Variants in ADAMTS17 observed in about 807,000 individuals in gnomAD.
The protein encoded by ADAMTS17 is ADAM metallopeptidase with thrombospondin type 1 motif 17, also known as A disintegrin and metalloproteinase with thrombospondin motifs 17.
ADAMTS17 carries 113 observed loss-of-function variants against 141.5 expected under a neutral mutation model. That is an observed-to-expected ratio of 0.80 (90% CI 0.69 to 0.93). The LOEUF is 0.93. Among genes scored for constraint, ADAMTS17 ranks in the 40% least tolerant of loss-of-function variants. The probability of loss-of-function intolerance (pLI) is 0.00; values close to 1 mark genes in which losing one functional copy is unlikely to be tolerated. For synonymous variants in ADAMTS17, 768 were observed against 630.6 expected, an observed-to-expected ratio of 1.22 and a Z score of -3.27; for missense variants, 1,659 against 1,517.9, an observed-to-expected ratio of 1.09 and a Z score of -1.54.
In ADAMTS17 at chr15:99,974,495, G is replaced by T. The variant is rs1834758955; in HGVS notation, c.3195C>A (p.Asn1065Lys). Residue 1065 changes from asparagine (N) to lysine (K), a missense_variant, in exon 22 of 22, where the codon AAC becomes AAA. Transcript: ENST00000268070. Reference protein sequence around the residue: ...TVYCRVIREKNLCQDMRWYQR... With the variant: ...TVYCRVIREKKLCQDMRWYQR... ...GGTACCACCGCATGTCCTGGCAGAG[G>T]TTCTTTTCTCGGATGACCCGGCAAT... 1.2e-6 allele frequency: 2 copies of T among 1,614,098 alleles called. No individual in the cohort carries two copies. Among genetic ancestry groups the T allele is most frequent in the African/African-American group, 2.7e-5 (2 of 74,942 alleles).
At chr15:100,059,146 G>C (rs4965571) in intron 15 of ADAMTS17, among the ~76,000 whole-genome samples, 22,556 of 152,228 alleles carry the variant, frequency 0.15, 2,316 homozygotes, top group East Asian at 0.51. Flanking sequence ...TCTTTGCTTT[G>C]GAGGTCCTGG....
intron 3 of ADAMTS17, among the ~76,000 whole-genome samples, chr15:100,307,423 C>T (rs2045262495): frequency 6.6e-6 from 1 of 152,148 alleles, no homozygotes; most frequent in Non-Finnish European, 1.5e-5. Flanking sequence ...CAGAGTGAAA[C>T]AAAAGAAAGA....
intron 9 of ADAMTS17, among the ~76,000 whole-genome samples, chr15:100,153,443 C>T (rs1025599256): frequency 3.3e-5 from 5 of 152,010 alleles, no homozygotes; most frequent in African/African-American, 7.3e-5. Flanking sequence ...GAGTTCAAGA[C>T]CAGTCTGGCC....
chr15:100,331,918 C>G (rs1263704801), intron 2 of ADAMTS17, among the ~76,000 whole-genome samples: 1 of 152,160 alleles, frequency 6.6e-6, no homozygotes, highest in Non-Finnish European at 1.5e-5. Context: ...GCACTCCCCA[C>G]CACACGCAGA....
rs773486302 is a variant in ADAMTS17 at position 100,261,583 on chromosome 15, G to A, written c.927C>T (p.His309=). ...CTCCTCCATACTCCTCGTTCTGCCA[G>A]TGACAGAAGCTCTCCAGGGACCGCT... ...HGERSLESFC[H]WQNEEYGGAR... is the part of the protein sequence containing the mutation. Residue 309 remains histidine, a synonymous_variant, in exon 6 of 22, where the codon CAC becomes CAT. Transcript: ENST00000268070. 2 of 1,614,150 alleles carry A rather than the reference G, an allele frequency of 1.2e-6. No homozygotes were observed. Among genetic ancestry groups the A allele is most frequent in the Non-Finnish European group, 8.5e-7 (1 of 1,180,026 alleles).
At chr15:100,154,920 AC>A (rs2039358154) in intron 9 of ADAMTS17, among the ~76,000 whole-genome samples, 1 of 152,226 alleles carries the variant, frequency 6.6e-6, no homozygotes, top group Non-Finnish European at 1.5e-5. Context: ...TCTTTTCAAG[AC>A]AGGGTGACTA....
rs1384718785 is a variant in ADAMTS17, at chr15:99,973,706, C to G, written c.*696G>C. 8 of 154,822 alleles carry G rather than the reference C, an allele frequency of 5.2e-5. No individual in the cohort carries two copies. The highest frequency in any genetic ancestry group is 1.0e-4 in the Non-Finnish European group (7 of 69,854). 9.6% of individuals were successfully genotyped at this position (154,822 alleles called of 1,614,324 possible). Reference sequence around the variant, plus strand: ...AATTAGATGCTTCCCCAAACCCAGACTCTCTTGGAACATTCTTCCCATGCG... The same window carrying G: ...AATTAGATGCTTCCCCAAACCCAGAGTCTCTTGGAACATTCTTCCCATGCG... On this transcript the variant is annotated 3_prime_UTR_variant, in exon 22 of 22. Coordinates refer to ENST00000268070, the MANE Select transcript of ADAMTS17 (RefSeq NM_139057.4).
At chr15:100,154,863 C>T (rs188904863) in intron 9 of ADAMTS17, among the ~76,000 whole-genome samples, 400 of 152,318 alleles carry the variant, frequency 2.6e-3, no homozygotes, top group African/African-American at 9.4e-3. Context: ...CAGGGGCGCC[C>T]CAAGGTGACC....
intron 18 of ADAMTS17, among the ~76,000 whole-genome samples, chr15:100,037,392 C>T (rs1288033811): frequency 2.0e-5 from 3 of 149,948 alleles, no homozygotes; most frequent in African/African-American, 2.5e-5. Flanking sequence ...TGTAGTAGCT[C>T]TTTAGGTATT....
Position 100,157,342 on chromosome 15 carries a change from A to T in ADAMTS17, c.1182-2022T>A, listed in dbSNP as rs1045391359. Among the ~76,000 whole-genome samples, 6 of 152,354 alleles carry T rather than the reference A, an allele frequency of 3.9e-5. No homozygotes were observed. In the East Asian group the frequency reaches 1.2e-3, roughly 29 times the overall value. On this transcript the variant is annotated intron_variant, in intron 8 of 21. Coordinates refer to ENST00000268070, the MANE Select transcript of ADAMTS17 (RefSeq NM_139057.4). Reference sequence around the variant, plus strand: ...CCCTCTCCATTACAAAATTGTTGAAAAAAACTAATGTTTTTATAGCTTAAG... The same window carrying T: ...CCCTCTCCATTACAAAATTGTTGAATAAAACTAATGTTTTTATAGCTTAAG...
chr15:100,098,425 G>T (rs568298999), intron 14 of ADAMTS17, among the ~76,000 whole-genome samples: 3 of 152,100 alleles, frequency 2.0e-5, no homozygotes, highest in Non-Finnish European at 4.4e-5. Flanking sequence ...GAGGTGGGTG[G>T]ATCATGAGGT....
At chr15:100,147,160 C>T (rs563776503) in intron 10 of ADAMTS17, among the ~76,000 whole-genome samples, 102 of 152,230 alleles carry the variant, frequency 6.7e-4, no homozygotes, top group African/African-American at 2.2e-3. Flanking sequence ...TGGGGGGCAT[C>T]ATGGAACCTA....
At chr15:100,136,303 T>C (rs1397476820) in intron 10 of ADAMTS17, among the ~76,000 whole-genome samples, 1 of 152,198 alleles carries the variant, frequency 6.6e-6, no homozygotes, top group Non-Finnish European at 1.5e-5. Context: ...GTGGCTACCT[T>C]TGTCGTCAGC....
intron 15 of ADAMTS17, among the ~76,000 whole-genome samples, chr15:100,064,556 C>T (rs1013668386): frequency 1.3e-5 from 2 of 152,184 alleles, no homozygotes; most frequent in Admixed American, 6.5e-5. Flanking sequence ...CAGCAGAAAC[C>T]AAGCAATTTA....
At chr15:100,233,375 T>G (rs2042550775) in intron 7 of ADAMTS17, among the ~76,000 whole-genome samples, 1 of 151,742 alleles carries the variant, frequency 6.6e-6, no homozygotes, top group African/African-American at 2.4e-5. Context: ...AAAAGTCATA[T>G]AAGTCGCCGT....
rs577704614 is a variant in ADAMTS17, at chr15:100,092,685, G to A, written c.2137+3671C>T. On this transcript the variant is annotated intron_variant, in intron 15 of 21. Transcript: ENST00000268070. ...GGCAGGGGCTCTAGAGGTAATTACTGAACAAATATGTGACACATGGATCTA... is the reference window on the plus strand; with the variant it reads ...GGCAGGGGCTCTAGAGGTAATTACTAAACAAATATGTGACACATGGATCTA... 9.1e-4 allele frequency among the ~76,000 whole-genome samples: 138 copies of A among 152,236 alleles called. 4 individuals carry two copies. The South Asian group carries it at 0.028, about 31-fold the overall frequency.
chr15:100,131,651 TC>T (rs750937852), intron 12 of ADAMTS17, among the ~76,000 whole-genome samples: 1 of 152,150 alleles, frequency 6.6e-6, no homozygotes, highest in Non-Finnish European at 1.5e-5. Flanking sequence ...ACCAGGCTGC[TC>T]CCACATCAGA....
intron 7 of ADAMTS17, among the ~76,000 whole-genome samples, chr15:100,246,066 A>G (rs4533267): frequency 0.64 from 97,314 of 151,994 alleles, 32,441 homozygotes; most frequent in East Asian, 0.8. Flanking sequence ...TCTCTTAGGC[A>G]TAACAGCTCC....
intron 12 of ADAMTS17, among the ~76,000 whole-genome samples, chr15:100,120,776 T>TG (rs2037412535): frequency 6.6e-6 from 1 of 152,252 alleles, no homozygotes; most frequent in Admixed American, 6.5e-5. Flanking sequence ...AGTTACTGCA[T>TG]TCTAAGATTT....
Sources: gnomAD v4.1 joint callset for allele counts (sites outside exome capture counted in the v4.1 genomes callset) on GRCh38, gnomAD v4.1.1 for gene constraint, MANE v1.5 for transcripts, NCBI Gene and HGNC (gene_info 2026-07-23, HGNC 2026-07-21) for gene names.